The following CDH10 variants were observed in gnomAD, a reference collection of about 807,000 sequenced individuals.
The protein encoded by CDH10 is cadherin 10, also known as cadherin-10.
A neutral mutation model predicts 73.1 loss-of-function variants in CDH10; 30 were observed. That is an observed-to-expected ratio of 0.41 (90% CI 0.31 to 0.56). CDH10 has a LOEUF of 0.56. Ranked by LOEUF, CDH10 falls within the 20% of genes least tolerant of loss-of-function variation. The probability of loss-of-function intolerance (pLI) is 0.27; values close to 1 mark genes in which losing one functional copy is unlikely to be tolerated. For missense variants in CDH10, 815 were observed against 973.7 expected (o/e 0.84, Z 2.17); for synonymous variants, 345 against 348.2 (o/e 0.99, Z 0.10).
chr5:24,632,992 G>C (rs547652525), intron 1 of CDH10, among the ~76,000 whole-genome samples: 1 of 151,710 alleles, frequency 6.6e-6, no homozygotes, highest in Non-Finnish European at 1.5e-5. Flanking sequence ...TACCACTATA[G>C]ATATAGTTAT....
intron 1 of CDH10, among the ~76,000 whole-genome samples, chr5:24,622,486 T>A (rs1172350344): frequency 6.6e-6 from 1 of 152,186 alleles, no homozygotes. Context: ...TTAGCATGGA[T>A]GAAAATTTGT....
At chr5:24,586,087 T>C (rs1185116859) in intron 2 of CDH10, among the ~76,000 whole-genome samples, 1 of 152,202 alleles carries the variant, frequency 6.6e-6, no homozygotes, top group Non-Finnish European at 1.5e-5. Flanking sequence ...TGCAGCCAAA[T>C]TTAAATTCCT....
At position 24,593,424 on chromosome 5, in the gene CDH10, C is replaced by T. The variant is rs2112093903; in HGVS notation, c.67G>A (p.Glu23Lys). The T allele has an allele frequency of 6.2e-7, 1 of 1,612,862 alleles. No individual in the cohort carries two copies. The highest frequency in any genetic ancestry group is 8.5e-7 in the Non-Finnish European group (1 of 1,179,098). ...ACAGGCGTCCTTCTGAACATTATTT[C>T]TGGAGAGCAGAAATGTGGCAGGCAT... ...WVCLPHFCSP[E>K]IMFRRTPVPQ... The change falls in exon 2 of 12, where the codon GAA becomes AAA. Residue 23 changes from glutamate to lysine, a missense_variant. Around this residue, in one of 3 missense-constraint regions of CDH10, gnomAD observed 58 missense variants for 96.7 expected, o/e 0.60. Coordinates refer to ENST00000264463, the MANE Select transcript of CDH10 (RefSeq NM_006727.5).
chr5:24,576,340 T>C (rs1277018696), intron 2 of CDH10, among the ~76,000 whole-genome samples: 2 of 152,152 alleles, frequency 1.3e-5, no homozygotes, highest in Non-Finnish European at 2.9e-5. Context: ...TTATTTTAGA[T>C]TGTTTTTTCA....
chr5:24,495,545 T>C (rs1414549960), intron 9 of CDH10, among the ~76,000 whole-genome samples: 6 of 152,048 alleles, frequency 3.9e-5, no homozygotes, highest in African/African-American at 1.2e-4. Flanking sequence ...ATTTCCTTTG[T>C]GCTAGTAAAA....
intron 5 of CDH10, among the ~76,000 whole-genome samples, chr5:24,524,853 C>A (rs1561140639): frequency 6.6e-6 from 1 of 152,096 alleles, no homozygotes; most frequent in Non-Finnish European, 1.5e-5. Flanking sequence ...TACTGACAAC[C>A]TCACACAACA....
intron 7 of CDH10, among the ~76,000 whole-genome samples, chr5:24,509,240 C>CTTTTTTTTTTTTTTT (rs35903930): frequency 4.7e-5 from 4 of 85,324 alleles, no homozygotes; most frequent in African/African-American, 2.0e-4. Flanking sequence ...CTCCTTTTTC[C>CTTTTTTTTTTTTTTT]TTTTTTTTTT....
At chr5:24,531,961 C>A (rs1743770296) in intron 5 of CDH10, among the ~76,000 whole-genome samples, 1 of 152,112 alleles carries the variant, frequency 6.6e-6, no homozygotes, top group African/African-American at 2.4e-5. Flanking sequence ...CTAGCTTCCA[C>A]CCATTAGATT....
chr5:24,519,015 T>C (rs988987969), intron 5 of CDH10, among the ~76,000 whole-genome samples: 10 of 150,600 alleles, frequency 6.6e-5, no homozygotes, highest in Non-Finnish European at 1.5e-4. Flanking sequence ...GTCAGCCTCC[T>C]GAGTAGCTGG....
At chr5:24,627,722 G>A (rs1747559272) in intron 1 of CDH10, among the ~76,000 whole-genome samples, 1 of 152,064 alleles carries the variant, frequency 6.6e-6, no homozygotes, top group Non-Finnish European at 1.5e-5. Context: ...TATGTAGAAA[G>A]TGCTCAATAA....
At chr5:24,542,381 A>G (rs892197564) in intron 2 of CDH10, among the ~76,000 whole-genome samples, 1 of 152,200 alleles carries the variant, frequency 6.6e-6, no homozygotes, top group Admixed American at 6.6e-5. Context: ...CAGCAGTCCC[A>G]TAAGTTTATA....
At chr5:24,588,091 A>C (rs958154101) in intron 2 of CDH10, among the ~76,000 whole-genome samples, 1 of 152,196 alleles carries the variant, frequency 6.6e-6, no homozygotes, top group Non-Finnish European at 1.5e-5. Context: ...TGATCTTTAC[A>C]TATTAGAGAA....
intron 1 of CDH10, among the ~76,000 whole-genome samples, chr5:24,633,507 T>A (rs575950181): frequency 6.6e-6 from 1 of 152,026 alleles, no homozygotes; most frequent in African/African-American, 2.4e-5. Flanking sequence ...CATATTTACA[T>A]TTAAGTTTTA....
chr5:24,501,943 G>T (rs912386784), intron 8 of CDH10, among the ~76,000 whole-genome samples: 4 of 151,254 alleles, frequency 2.6e-5, no homozygotes, highest in African/African-American at 9.7e-5. Context: ...TTTTTAGAGG[G>T]AATCTCACTC....
chr5:24,496,360 A>G (rs183928500), intron 9 of CDH10, among the ~76,000 whole-genome samples: 33 of 152,292 alleles, frequency 2.2e-4, no homozygotes, highest in African/African-American at 7.9e-4. Context: ...ATGAAAAACA[A>G]AAACAGCTAG....
At chr5:24,533,939 C>T (rs967872160) in intron 5 of CDH10, among the ~76,000 whole-genome samples, 9 of 151,890 alleles carry the variant, frequency 5.9e-5, no homozygotes, top group Non-Finnish European at 1.2e-4. Context: ...TATATAGGTA[C>T]GTGATTAGTG....
At chr5:24,493,229 AT>A (rs1221828597) in intron 9 of CDH10, among the ~76,000 whole-genome samples, 2 of 151,976 alleles carry the variant, frequency 1.3e-5, no homozygotes, top group Non-Finnish European at 2.9e-5. Context: ...GCATTTACAC[AT>A]TGATCTGGAA....
rs2111610741 is a variant in CDH10, at chr5:24,488,045, C to G, written c.1985G>C (p.Gly662Ala). Residue 662 changes from glycine to alanine, a missense_variant, in exon 12 of 12, where the codon GGT becomes GCT. Physicochemically the swap from Gly to Ala is moderately conservative, Grantham distance 60. Coordinates refer to ENST00000264463, the MANE Select transcript of CDH10 (RefSeq NM_006727.5). ...DNIVSYNDEGGGEEDTQAFDI... is the reference protein window; with the variant it reads ...DNIVSYNDEGAGEEDTQAFDI... Reference sequence around the variant, plus strand: ...AAAGGCCTGGGTGTCCTCCTCTCCACCACCCTCATCGTTATAGCTCACAAT... The same window carrying G: ...AAAGGCCTGGGTGTCCTCCTCTCCAGCACCCTCATCGTTATAGCTCACAAT... 1 of 1,613,988 alleles carries G rather than the reference C, an allele frequency of 6.2e-7. No homozygotes were observed. The highest frequency in any genetic ancestry group is 2.2e-5 in the East Asian group (1 of 44,866).
At chr5:24,537,695 T>C in intron 2 of CDH10, 21 bp from the exon 3 acceptor site, 1 of 1,484,704 alleles carries the variant, frequency 6.7e-7, no homozygotes, top group Non-Finnish European at 9.2e-7. Context: ...TAAAAAAGAG[T>C]ATATCCATGA....
Sources: gnomAD v4.1 joint callset for allele counts (sites outside exome capture counted in the v4.1 genomes callset) on GRCh38, gnomAD v4.1.1 for gene constraint, gnomAD v4.1.1 regional missense constraint, MANE v1.5 for transcripts, NCBI Gene and HGNC (gene_info 2026-07-23, HGNC 2026-07-21) for gene names.